CSMD1: variants seen among roughly 807,000 people sequenced by gnomAD.
CSMD1 encodes the protein CUB and sushi domain-containing protein 1.
A neutral mutation model predicts 417.5 loss-of-function variants in CSMD1; 213 were observed. The ratio of observed to expected loss-of-function variants is 0.51; its 90% CI spans 0.46 to 0.57. CSMD1 has a LOEUF of 0.57. Among genes scored for constraint, CSMD1 ranks in the 20% least tolerant of loss-of-function variants. The pLI, the probability that CSMD1 is intolerant of heterozygous loss-of-function variation, is 0.00. For missense variants in CSMD1, 6,923 were observed against 4,529.7 expected (o/e 1.53, Z -15.17); for synonymous variants, 2,862 against 1,736.8 (o/e 1.65, Z -16.11).
intron 3 of CSMD1, among the ~76,000 whole-genome samples, chr8:4,230,544 A>C (rs944519928): frequency 1.3e-5 from 2 of 152,182 alleles, no homozygotes; most frequent in African/African-American, 2.4e-5. Context: ...CAGTTGCTCA[A>C]TTATATTGGA....
At chr8:3,753,283 G>C (rs1797457139) in intron 6 of CSMD1, among the ~76,000 whole-genome samples, 1 of 152,120 alleles carries the variant, frequency 6.6e-6, no homozygotes. Context: ...TTAATAAACT[G>C]AATAGTTTTT....
intron 1 of CSMD1, among the ~76,000 whole-genome samples, chr8:4,864,043 T>C (rs1802287711): frequency 1.3e-5 from 2 of 152,036 alleles, no homozygotes; most frequent in South Asian, 4.1e-4. Flanking sequence ...GTTTATTTCA[T>C]GGACCACTTT....
Position 4,910,711 on chromosome 8 carries a change from T to A in CSMD1, c.85+83621A>T, listed in dbSNP as rs564815748. Among the ~76,000 whole-genome samples, 211 of 152,334 alleles carry A rather than the reference T, an allele frequency of 1.4e-3. 1 individual carries two copies. Among genetic ancestry groups the A allele is most frequent in the African/African-American group, 4.8e-3 (198 of 41,570 alleles). On this transcript the variant is annotated intron_variant, in intron 1 of 69. Coordinates refer to ENST00000635120, the MANE Select transcript of CSMD1 (RefSeq NM_033225.6). ...GTCATAGAAATGTGTTTTAAGATAT[T>A]CTTTGTAAGTGTTAAAAAATAATAA...
intron 7 of CSMD1, among the ~76,000 whole-genome samples, chr8:3,622,370 G>A (rs1016930426): frequency 2.0e-4 from 30 of 152,144 alleles, no homozygotes; most frequent in Non-Finnish European, 3.4e-4. Context: ...GGTAGTTAAT[G>A]CACTTTTCCA....
chr8:4,471,691 G>C (rs372215998), intron 2 of CSMD1, among the ~76,000 whole-genome samples: 4 of 152,162 alleles, frequency 2.6e-5, no homozygotes, highest in East Asian at 3.9e-4. Context: ...CGAACGCAGA[G>C]AGAACACGAC....
chr8:4,022,242 G>T (rs116722650), intron 4 of CSMD1, among the ~76,000 whole-genome samples: 2 of 148,962 alleles, frequency 1.3e-5, no homozygotes, highest in East Asian at 3.9e-4. Flanking sequence ...TGACTATTTT[G>T]GTCTATGCCT....
Position 4,428,080 on chromosome 8 carries a change from C to G in CSMD1, c.303-8015G>C, listed in dbSNP as rs1249906462. On this transcript the variant is annotated intron_variant, in intron 2 of 69. Transcript: ENST00000635120. ...AAGGTTACATGTCTCGTTTTCATAT[C>G]AGACAATATCAAGAGTGAATGGGAT... Among the ~76,000 whole-genome samples, 37 of 152,184 alleles carry G rather than the reference C, an allele frequency of 2.4e-4. 1 individual carries two copies. The highest frequency in any genetic ancestry group is 2.4e-3 in the Admixed American group (37 of 15,274).
At chr8:4,890,653 C>T (rs548455387) in intron 1 of CSMD1, among the ~76,000 whole-genome samples, 4 of 151,928 alleles carry the variant, frequency 2.6e-5, no homozygotes, top group African/African-American at 4.8e-5. Context: ...CTGGGCAGGA[C>T]AGATGAGAGC....
chr8:3,371,122 C>A (rs1305875848), intron 18 of CSMD1, among the ~76,000 whole-genome samples: 1 of 152,220 alleles, frequency 6.6e-6, no homozygotes, highest in African/African-American at 2.4e-5. Flanking sequence ...CCCAGGTCTT[C>A]AGTCTCAGAC....
intron 7 of CSMD1, among the ~76,000 whole-genome samples, chr8:3,649,595 C>A (rs1797742147): frequency 1.3e-5 from 2 of 152,060 alleles, no homozygotes; most frequent in Admixed American, 1.3e-4. Context: ...CTTATAAAAC[C>A]AGTAGATCTT....
At chr8:4,057,765 T>G (rs957295946) in intron 3 of CSMD1, among the ~76,000 whole-genome samples, 6 of 152,156 alleles carry the variant, frequency 3.9e-5, no homozygotes, top group Non-Finnish European at 8.8e-5. Flanking sequence ...TAGCCAGTTT[T>G]CCCAGCACCA....
chr8:4,339,669 T>C (rs1800365669), intron 3 of CSMD1, among the ~76,000 whole-genome samples: 1 of 152,070 alleles, frequency 6.6e-6, no homozygotes, highest in African/African-American at 2.4e-5. Context: ...ATGTTATGTT[T>C]GGATGGCCAA....
chr8:4,013,374 C>T lies in CSMD1; in HGVS notation c.611-15264G>A, dbSNP rs199552533. 9.9e-5 allele frequency among the ~76,000 whole-genome samples: 15 copies of T among 152,268 alleles called. No homozygotes were observed. In the East Asian group the frequency reaches 2.3e-3, roughly 24 times the overall value. On this transcript the variant is annotated intron_variant, in intron 4 of 69. Transcript: ENST00000635120. ...CTGGTTGATCCCTCTGTCAGAACCA[C>T]ATTTCTGATATTCTCGCAGGGCTCA...
At chr8:3,816,115 T>C (rs1801352400) in intron 5 of CSMD1, among the ~76,000 whole-genome samples, 1 of 152,186 alleles carries the variant, frequency 6.6e-6, no homozygotes, top group East Asian at 1.9e-4. Flanking sequence ...CTCTATCTCA[T>C]TAACACAACA....
chr8:4,258,976 C>G (rs115752921), intron 3 of CSMD1, among the ~76,000 whole-genome samples: 2,729 of 152,232 alleles, frequency 0.018, 84 homozygotes, highest in African/African-American at 0.063. Flanking sequence ...AAATGTCTAA[C>G]TAAGACTTTA....
intron 28 of CSMD1, among the ~76,000 whole-genome samples, chr8:3,223,436 T>C (rs966529860): frequency 6.6e-6 from 1 of 152,206 alleles, no homozygotes; most frequent in East Asian, 1.9e-4. Context: ...CTCCATACCA[T>C]ATTTTTATTA....
chr8:3,798,649 T>C (rs1212221661), intron 5 of CSMD1, among the ~76,000 whole-genome samples: 5 of 152,096 alleles, frequency 3.3e-5, no homozygotes, highest in African/African-American at 1.2e-4. Context: ...AAAAAATACA[T>C]ACATTTATTC....
intron 3 of CSMD1, among the ~76,000 whole-genome samples, chr8:4,170,632 T>C (rs1413145575): frequency 2.0e-5 from 3 of 151,850 alleles, no homozygotes; most frequent in South Asian, 4.1e-4. Context: ...TGGAAAACAT[T>C]TGTTTTATTA....
chr8:4,013,292 T>A (rs1290356547), intron 4 of CSMD1, among the ~76,000 whole-genome samples: 1 of 152,148 alleles, frequency 6.6e-6, no homozygotes, highest in Non-Finnish European at 1.5e-5. Flanking sequence ...CAGGCCACAC[T>A]GCCGTTGCTC....
Sources: gnomAD v4.1 joint callset for allele counts (sites outside exome capture counted in the v4.1 genomes callset) on GRCh38, gnomAD v4.1.1 for gene constraint, MANE v1.5 for transcripts, NCBI Gene and HGNC (gene_info 2026-07-23, HGNC 2026-07-21) for gene names.